The following RGMB variants were observed in gnomAD, a reference collection of about 807,000 sequenced individuals.
RGMB encodes the protein repulsive guidance molecule B.
RGMB carries 16 observed loss-of-function variants against 26.9 expected under a neutral mutation model. The observed-to-expected ratio is 0.60, with a 90% CI of 0.40 to 0.90. The LOEUF (loss-of-function observed/expected upper bound fraction) is 0.90, where lower values mean the gene tolerates loss of function less well. Among genes scored for constraint, RGMB ranks in the 40% least tolerant of loss-of-function variants. The probability of loss-of-function intolerance (pLI) is 0.00; values close to 1 mark genes in which losing one functional copy is unlikely to be tolerated. For synonymous variants in RGMB, 225 were observed against 229.3 expected (o/e 0.98, Z 0.17); for missense variants, 512 against 573.3 (o/e 0.89, Z 1.09).
chr5:98,783,534 A>C (rs1746672681), intron 2 of RGMB, among the ~76,000 whole-genome samples: 1 of 152,216 alleles, frequency 6.6e-6, no homozygotes, highest in African/African-American at 2.4e-5. Context: ...AAGATAAACC[A>C]GATGATCTGT....
At chr5:98,787,769 C>T (rs1233806199) in intron 2 of RGMB, among the ~76,000 whole-genome samples, 1 of 152,226 alleles carries the variant, frequency 6.6e-6, no homozygotes, top group African/African-American at 2.4e-5. Context: ...GCTATTTATG[C>T]TTCCAGCATT....
chr5:98,789,495 C>G (rs180711133), intron 2 of RGMB, among the ~76,000 whole-genome samples: 1 of 151,438 alleles, frequency 6.6e-6, no homozygotes, highest in African/African-American at 2.4e-5. Flanking sequence ...TTTTTTCTCC[C>G]GGTGGAAAGG....
chr5:98,779,451 G>T, intron 1 of RGMB, 129 bp from the exon 2 acceptor site: 6 of 872,682 alleles, frequency 6.9e-6, no homozygotes, highest in South Asian at 3.6e-5. Flanking sequence ...GTATCTGAAG[G>T]CTTCTTAAAA....
intron 2 of RGMB, among the ~76,000 whole-genome samples, chr5:98,790,126 AAG>A (rs1297893328): frequency 6.6e-6 from 1 of 152,228 alleles, no homozygotes; most frequent in Non-Finnish European, 1.5e-5. Context: ...TGAGGAATGA[AAG>A]TGCATTATAA....
intron 2 of RGMB, among the ~76,000 whole-genome samples, chr5:98,784,856 C>G (rs898722432): frequency 1.3e-5 from 2 of 152,088 alleles, no homozygotes; most frequent in African/African-American, 4.8e-5. Flanking sequence ...ACTGTTCTTG[C>G]ATGCAGTGTT....
chr5:98,770,325 CTAA>C, upstream of RGMB: 1 of 323,704 alleles, frequency 3.1e-6, no homozygotes. Context: ...GAGTGGCTGG[CTAA>C]TGAGAGGTTA....
In RGMB at chr5:98,793,772, G is replaced by T. The variant is rs776540043; in HGVS notation, c.*19G>T. ...TTTGTAGGGGTTGTCTTTTGTTTTG[G>T]TTTTTTATTTTTTGTCTATAACAAA... On this transcript the variant is annotated 3_prime_UTR_variant, in exon 3 of 3. Transcript: ENST00000513185. 7.5e-5 allele frequency: 112 copies of T among 1,500,340 alleles called. No individual in the cohort carries two copies. The highest frequency in any genetic ancestry group is 9.6e-5 in the Non-Finnish European group (108 of 1,126,854). 92.9% of individuals were successfully genotyped at this position (1,500,340 alleles called of 1,614,324 possible). A position where few individuals can be genotyped will look rare whatever the true frequency, so the allele number is the denominator to read the frequency against.
intron 2 of RGMB, among the ~76,000 whole-genome samples, chr5:98,788,461 A>G (rs1316627608): frequency 1.3e-5 from 2 of 152,160 alleles, no homozygotes; most frequent in African/African-American, 4.8e-5. Flanking sequence ...AGTATTTTCT[A>G]GTCCATTATT....
intron 1 of RGMB, among the ~76,000 whole-genome samples, chr5:98,778,924 A>G (rs564604221): frequency 3.3e-5 from 5 of 151,610 alleles, no homozygotes; most frequent in East Asian, 1.9e-4. Flanking sequence ...TTTTTTTCTT[A>G]GAGCATTTAC....
chr5:98,793,598 G>C lies in RGMB; in HGVS notation c.1159G>C (p.Ala387Pro), dbSNP rs550569565. ...LTTGDANFTA[A>P]AHSALEDVEA... Reference sequence around the variant, plus strand: ...CACTGGTGATGCCAACTTTACTGCCGCAGCCCACAGTGCCTTGGAGGATGT... The same window carrying C: ...CACTGGTGATGCCAACTTTACTGCCCCAGCCCACAGTGCCTTGGAGGATGT... Residue 387 changes from alanine to proline, a missense_variant, in exon 3 of 3, where the codon GCA (alanine) becomes CCA (proline). Physicochemically the swap from Ala to Pro is conservative, Grantham distance 27 (BLOSUM62 -1). Coordinates refer to ENST00000513185, the MANE Select transcript of RGMB (RefSeq NM_001366508.1). The C allele has an allele frequency of 1.2e-5, 19 of 1,613,964 alleles. No individual in the cohort carries two copies. The highest frequency in any genetic ancestry group is 4.2e-6 in the Non-Finnish European group (5 of 1,179,886).
At chr5:98,769,866 G>C (rs547113452), upstream of RGMB, 40 of 152,740 alleles carry the variant, frequency 2.6e-4, no homozygotes, top group African/African-American at 9.4e-4. Context: ...CTAGATCCTA[G>C]TTTACGCTCA....
chr5:98,779,261 T>G (rs1580276629), intron 1 of RGMB, among the ~76,000 whole-genome samples: 1 of 152,210 alleles, frequency 6.6e-6, no homozygotes, highest in Non-Finnish European at 1.5e-5. Flanking sequence ...TATGAACAAA[T>G]AGCAACATTT....
chr5:98,789,471 TTAATA>T (rs1746859164), intron 2 of RGMB, among the ~76,000 whole-genome samples: 1 of 147,868 alleles, frequency 6.8e-6, no homozygotes, highest in Non-Finnish European at 1.5e-5. Context: ...TAATTTTCAT[TTAATA>T]TGTTTTTTTT....
In RGMB at chr5:98,780,108, TC is replaced by T. The variant is rs765895050; in HGVS notation, c.645+23del. On this transcript the variant is annotated intron_variant, in intron 2 of 2. Coordinates refer to ENST00000513185, the MANE Select transcript of RGMB (RefSeq NM_001366508.1). ...AATAAGGCAAGTATACCTTCTTTTT[TC>T]CCTCTCCCTACTCAACTTTCAAAAG... The T allele has an allele frequency of 1.3e-6, 2 of 1,590,378 alleles. No individual in the cohort carries two copies. The highest frequency in any genetic ancestry group is 3.4e-5 in the Admixed American group (2 of 58,388).
intron 2 of RGMB, 105 bp downstream of exon 2, chr5:98,780,193 A>G: frequency 9.6e-7 from 1 of 1,042,670 alleles, no homozygotes; most frequent in Non-Finnish European, 1.4e-6. Context: ...TTTAAAAGGA[A>G]CTTCTTTTGA....
chr5:98,777,086 C>CAA (rs796290643), intron 1 of RGMB, among the ~76,000 whole-genome samples: 3 of 95,212 alleles, frequency 3.2e-5, no homozygotes, highest in Admixed American at 1.2e-4. Context: ...GACTCCGTCT[C>CAA]AAAAAAAAAA....
chr5:98,781,160 A>T (rs1024400103), intron 2 of RGMB: 2 of 152,250 alleles, frequency 1.3e-5, no homozygotes, highest in African/African-American at 4.8e-5. Context: ...TACTTTTTAA[A>T]TAAATTAAAG....
At position 98,773,946 on chromosome 5, in the gene RGMB, C is replaced by A. The variant is rs921259674; in HGVS notation, c.-125C>A. 1 of 616,734 alleles carries A rather than the reference C, an allele frequency of 1.6e-6. No homozygotes were observed. The highest frequency in any genetic ancestry group is 2.8e-5 in the Admixed American group (1 of 36,102). 38.2% of individuals were successfully genotyped at this position (616,734 alleles called of 1,614,324 possible). A position where few individuals can be genotyped will look rare whatever the true frequency, so the allele number is the denominator to read the frequency against. On this transcript the variant is annotated 5_prime_UTR_variant, in exon 1 of 3. Coordinates refer to ENST00000513185, the MANE Select transcript of RGMB (RefSeq NM_001366508.1). The stretch of plus-strand genomic sequence containing the variant: ...GGTGGCGCCCCATCTGCTACACGGG[C>A]CTGAAGAAGGAAGAAGAGGAAGCGA...
intron 1 of RGMB, among the ~76,000 whole-genome samples, chr5:98,776,759 G>A (rs963147622): frequency 2.0e-5 from 3 of 152,118 alleles, no homozygotes; most frequent in Non-Finnish European, 4.4e-5. Flanking sequence ...TTTGAGATTT[G>A]TTTAAGCAGT....
Sources: gnomAD v4.1 joint callset for allele counts (sites outside exome capture counted in the v4.1 genomes callset) on GRCh38, gnomAD v4.1.1 for gene constraint, MANE v1.5 for transcripts, NCBI Gene and HGNC (gene_info 2026-07-23, HGNC 2026-07-21) for gene names.